Variants in SHC4 observed in about 807,000 individuals in gnomAD.
SHC4 encodes SHC adaptor protein 4.
SHC4 carries 41 observed loss-of-function variants against 69.4 expected under a neutral mutation model. The observed-to-expected ratio is 0.59, with a 90% CI of 0.46 to 0.77. SHC4 has a LOEUF of 0.77. Ranked by LOEUF, SHC4 falls within the 30% of genes least tolerant of loss-of-function variation. The probability of loss-of-function intolerance (pLI) is 0.00; values close to 1 mark genes in which losing one functional copy is unlikely to be tolerated. For synonymous variants in SHC4, 318 were observed against 299.3 expected, an observed-to-expected ratio of 1.06 and a Z score of -0.64; for missense variants, 777 against 783.8, an observed-to-expected ratio of 0.99 and a Z score of 0.10.
At chr15:48,948,893 G>T (rs1050415954) in intron 1 of SHC4, among the ~76,000 whole-genome samples, 1 of 152,100 alleles carries the variant, frequency 6.6e-6, no homozygotes, top group Non-Finnish European at 1.5e-5. Flanking sequence ...GTGACAGAGC[G>T]AGACCTTGTC....
intron 2 of SHC4, among the ~76,000 whole-genome samples, chr15:48,899,167 A>C (rs1900274399): frequency 6.6e-6 from 1 of 152,200 alleles, no homozygotes; most frequent in Non-Finnish European, 1.5e-5. Flanking sequence ...GGAATTTTAA[A>C]GATATTTAAA....
chr15:48,829,341 C>G (rs1274416142), intron 11 of SHC4, among the ~76,000 whole-genome samples: 1 of 152,188 alleles, frequency 6.6e-6, no homozygotes, highest in Non-Finnish European at 1.5e-5. Context: ...TTAAAATCCC[C>G]TACTATTATT....
chr15:48,946,997 A>G (rs560333393), intron 1 of SHC4, among the ~76,000 whole-genome samples: 72 of 152,300 alleles, frequency 4.7e-4, no homozygotes, highest in South Asian at 1.2e-3. Flanking sequence ...GTGAGCTCCT[A>G]TGAGCTATAT....
chr15:48,934,546 A>G (rs1433916202), intron 1 of SHC4, among the ~76,000 whole-genome samples: 1 of 152,204 alleles, frequency 6.6e-6, no homozygotes, highest in Non-Finnish European at 1.5e-5. Flanking sequence ...CAGTTTCTCA[A>G]ACAGTTAAAC....
At chr15:48,851,088 C>A in intron 9 of SHC4, 100 bp downstream of exon 9, 2 of 1,148,294 alleles carry the variant, frequency 1.7e-6, no homozygotes, top group South Asian at 1.4e-5. Context: ...TGGTAGATAC[C>A]TGACTTTTCA....
intron 1 of SHC4, among the ~76,000 whole-genome samples, chr15:48,958,068 A>G (rs73404204): frequency 0.072 from 10,970 of 152,290 alleles, 711 homozygotes; most frequent in African/African-American, 0.17. Context: ...AAGAACTGTG[A>G]GAGAATCGAT....
chr15:48,857,792 T>C lies in SHC4; in HGVS notation c.970A>G (p.Asn324Asp), dbSNP rs929759792. The C allele has an allele frequency of 6.4e-7, 1 of 1,565,532 alleles. No homozygotes were observed. Among genetic ancestry groups the C allele is most frequent in the Non-Finnish European group, 8.7e-7 (1 of 1,154,114 alleles). Residue 324 changes from asparagine to aspartate, a missense_variant, in exon 7 of 12, where the codon AAT becomes GAT. Transcript: ENST00000332408. ...QRACHILECH[N>D]GMAQDVISTI... ...CTTATGACGTCTTGGGCCATTCCATTGTGGCATTCCAATATGTGACAGGCT... is the reference window on the plus strand; with the variant it reads ...CTTATGACGTCTTGGGCCATTCCATCGTGGCATTCCAATATGTGACAGGCT...
chr15:48,880,820 G>A (rs1899925471), intron 4 of SHC4, among the ~76,000 whole-genome samples: 1 of 152,076 alleles, frequency 6.6e-6, no homozygotes, highest in Non-Finnish European at 1.5e-5. Context: ...TCTTTTACAT[G>A]CAGTTGCCAC....
chr15:48,831,722 T>C (rs1264144428), intron 11 of SHC4, among the ~76,000 whole-genome samples: 1 of 152,248 alleles, frequency 6.6e-6, no homozygotes, highest in Non-Finnish European at 1.5e-5. Flanking sequence ...TTTTCACATT[T>C]TTGTCTTTTA....
intron 4 of SHC4, among the ~76,000 whole-genome samples, chr15:48,873,898 T>C (rs561347637): frequency 3.3e-5 from 5 of 152,184 alleles, no homozygotes; most frequent in Non-Finnish European, 7.3e-5. Flanking sequence ...AGTAGAAAGA[T>C]ATATATCACT....
At chr15:48,878,167 G>C (rs766945593) in intron 4 of SHC4, 8 of 1,542,042 alleles carry the variant, frequency 5.2e-6, no homozygotes, top group East Asian at 2.3e-5. Context: ...GAGGTTGAGC[G>C]GTTTGCACAA....
chr15:48,962,292 C>T (rs1183739387), intron 1 of SHC4, 139 bp downstream of exon 1: 2 of 848,774 alleles, frequency 2.4e-6, no homozygotes, highest in Admixed American at 3.4e-5. Flanking sequence ...AACCCAGCTC[C>T]CCTCCGCCTT....
Position 48,875,034 on chromosome 15 carries a change from G to A in SHC4, c.841-2892C>T, listed in dbSNP as rs1335481073. On this transcript the variant is annotated intron_variant, in intron 4 of 11. Transcript: ENST00000332408. ...ACTGGAGAGGTTCTTTGAAAAGGGG[G>A]AAAGATCCAGTGATGAGACTGCAGA... Among the ~76,000 whole-genome samples the A allele has an allele frequency of 2.6e-5, 4 of 152,158 alleles. No individual in the cohort carries two copies. In the East Asian group the frequency reaches 7.7e-4, roughly 29 times the overall value.
At chr15:48,901,670 T>C (rs1299731779) in intron 2 of SHC4, among the ~76,000 whole-genome samples, 1 of 152,246 alleles carries the variant, frequency 6.6e-6, no homozygotes, top group Admixed American at 6.5e-5. Context: ...TCTATAACTC[T>C]ACTTTCTAAT....
At chr15:48,902,130 G>A (rs1004778186) in intron 2 of SHC4, among the ~76,000 whole-genome samples, 1 of 151,326 alleles carries the variant, frequency 6.6e-6, no homozygotes, top group Non-Finnish European at 1.5e-5. Flanking sequence ...TTGAGCCCGG[G>A]AGGTTAAGGC....
chr15:48,962,508 C>T lies in SHC4; in HGVS notation c.508G>A (p.Glu170Lys). 1 of 1,575,568 alleles carries T rather than the reference C, an allele frequency of 6.3e-7. No individual in the cohort carries two copies. Among genetic ancestry groups the T allele is most frequent in the Non-Finnish European group, 8.6e-7 (1 of 1,161,328 alleles). ...TCCTGCCTGCTCCTAAGTGTTGGCT[C>T]CCCAGGGCCAGGAAGCGGGCACGAA... ...PDSCPLPGPG[E>K]PTLRSRQDRH... is the part of the protein sequence containing the mutation. The change falls in exon 1 of 12, where the codon GAG becomes AAG. Residue 170 changes from glutamate (E) to lysine (K), a missense_variant. Transcript: ENST00000332408.
chr15:48,906,731 C>G (rs2141014363), intron 2 of SHC4, among the ~76,000 whole-genome samples: 1 of 152,340 alleles, frequency 6.6e-6, no homozygotes, highest in Admixed American at 6.5e-5. Flanking sequence ...TGATTGTTTA[C>G]TGCTCCTCAG....
intron 2 of SHC4, among the ~76,000 whole-genome samples, chr15:48,913,183 G>T (rs1421102311): frequency 2.0e-5 from 3 of 151,374 alleles, no homozygotes; most frequent in Non-Finnish European, 4.4e-5. Flanking sequence ...TTTGTCTTCT[G>T]CTACCAGGGT....
intron 3 of SHC4, among the ~76,000 whole-genome samples, chr15:48,889,740 G>A (rs1002879565): frequency 6.6e-6 from 1 of 152,078 alleles, no homozygotes; most frequent in Non-Finnish European, 1.5e-5. Context: ...GCTACTCGGG[G>A]GGCTGAGGCA....
Sources: gnomAD v4.1 joint callset for allele counts (sites outside exome capture counted in the v4.1 genomes callset) on GRCh38, gnomAD v4.1.1 for gene constraint, MANE v1.5 for transcripts, NCBI Gene and HGNC (gene_info 2026-07-23, HGNC 2026-07-21) for gene names.